BEND4: variants seen among roughly 807,000 people sequenced by gnomAD.
BEND4 encodes the protein BEN domain-containing protein 4.
Under a neutral mutation model 54.7 loss-of-function variants are expected in BEND4, and 27 were observed. The ratio of observed to expected loss-of-function variants is 0.49; its 90% confidence interval spans 0.36 to 0.68. The LOEUF is 0.68. BEND4 is among the 30% of genes least tolerant of loss of function. The pLI is 0.00. For synonymous variants in BEND4, 327 were observed against 299.5 expected, an observed-to-expected ratio of 1.09 and a Z score of -0.95; for missense variants, 702 against 697.2, an observed-to-expected ratio of 1.01 and a Z score of -0.08.
chr4:42,125,460 G>T, intron 4 of BEND4, 123 bp downstream of exon 4: 1 of 705,868 alleles, frequency 1.4e-6, no homozygotes, highest in South Asian at 1.6e-5. Flanking sequence ...ACAGGCAACA[G>T]ACCCATAAAC....
intron 3 of BEND4, among the ~76,000 whole-genome samples, chr4:42,139,102 C>T (rs566347901): frequency 9.2e-5 from 14 of 152,160 alleles, no homozygotes; most frequent in Non-Finnish European, 1.9e-4. Flanking sequence ...TATTTTCCTT[C>T]TTTTAAAAAC....
At chr4:42,120,033 C>A (rs991300808) in intron 5 of BEND4, 21 bp downstream of exon 5, 3 of 1,613,910 alleles carry the variant, frequency 1.9e-6, no homozygotes, top group Non-Finnish European at 2.5e-6. Flanking sequence ...GATGGTGACA[C>A]TGAGCGGAAG....
chr4:42,138,632 C>T (rs1425636988), intron 3 of BEND4, among the ~76,000 whole-genome samples: 1 of 152,210 alleles, frequency 6.6e-6, no homozygotes, highest in Non-Finnish European at 1.5e-5. Context: ...ATGATAGATA[C>T]AGCTTCACTA....
Position 42,114,127 on chromosome 4 carries a change from T to C in BEND4, c.*3391A>G, listed in dbSNP as rs1383962123. The C allele has an allele frequency of 6.6e-6, 1 of 152,206 alleles. No individual in the cohort carries two copies. Among genetic ancestry groups the C allele is most frequent in the Non-Finnish European group, 1.5e-5 (1 of 68,034 alleles). The allele number at this position is 152,206 out of a possible 1,614,324, so 9.4% of individuals were successfully genotyped here. The stretch of plus-strand genomic sequence containing the variant: ...GGTTAAGCCATGAGATTTTGAACAA[T>C]GCACCGTCAAGAGTCAGTGAGAAAT... On this transcript the variant is annotated 3_prime_UTR_variant, in exon 6 of 6. Coordinates refer to ENST00000502486, the MANE Select transcript of BEND4 (RefSeq NM_207406.4).
chr4:42,117,832 C>T (rs1437439772), intron 5 of BEND4, 97 bp from the exon 6 acceptor site: 4 of 774,090 alleles, frequency 5.2e-6, no homozygotes, highest in Admixed American at 5.9e-5. Flanking sequence ...TTAACAGAAG[C>T]TCTATAAGAA....
At chr4:42,146,353 C>A (rs1560584702) in intron 2 of BEND4, among the ~76,000 whole-genome samples, 1 of 152,182 alleles carries the variant, frequency 6.6e-6, no homozygotes, top group Non-Finnish European at 1.5e-5. Context: ...AACCTGGTTA[C>A]TGTGAAGGTG....
At position 42,111,189 on chromosome 4, in the gene BEND4, A is replaced by G. The variant is rs1335334277; in HGVS notation, c.*6329T>C. ...TTCTATATAAATTGTTCACAAAAAA[A>G]TCTTGCTATTCTATATTACACTATG... On this transcript the variant is annotated 3_prime_UTR_variant, in exon 6 of 6. Transcript: ENST00000502486. The G allele has an allele frequency of 6.6e-6, 1 of 152,230 alleles. No individual in the cohort carries two copies. The highest frequency in any genetic ancestry group is 1.5e-5 in the Non-Finnish European group (1 of 68,028). 9.4% of individuals were successfully genotyped at this position (152,230 alleles called of 1,614,324 possible). A position where few individuals can be genotyped will look rare whatever the true frequency, so the allele number is the denominator to read the frequency against.
intron 4 of BEND4, among the ~76,000 whole-genome samples, chr4:42,121,185 G>A (rs1354691141): frequency 2.0e-5 from 3 of 152,056 alleles, no homozygotes; most frequent in Non-Finnish European, 4.4e-5. Flanking sequence ...TTACAACTCG[G>A]CAAATTTACT....
intron 3 of BEND4, among the ~76,000 whole-genome samples, chr4:42,138,166 A>C (rs1346140462): frequency 1.3e-5 from 2 of 152,222 alleles, no homozygotes; most frequent in Admixed American, 1.3e-4. Context: ...CCCAATAGCC[A>C]AGACATGGAA....
rs1719741671 is a variant in BEND4, at chr4:42,115,006, G to C, written c.*2512C>G. Reference sequence around the variant, plus strand: ...AAGTACAATGGAATATCTCACTCAGGAGCAAAAGTCGTAGGAACATTTCAC... The same window carrying C: ...AAGTACAATGGAATATCTCACTCAGCAGCAAAAGTCGTAGGAACATTTCAC... On this transcript the variant is annotated 3_prime_UTR_variant, in exon 6 of 6. Coordinates refer to ENST00000502486, the MANE Select transcript of BEND4 (RefSeq NM_207406.4). The C allele has an allele frequency of 1.3e-5, 2 of 152,286 alleles. No individual in the cohort carries two copies. Among genetic ancestry groups the C allele is most frequent in the African/African-American group, 4.8e-5 (2 of 41,458 alleles). 9.4% of individuals were successfully genotyped at this position (152,286 alleles called of 1,614,324 possible).
intron 4 of BEND4, among the ~76,000 whole-genome samples, chr4:42,123,150 C>G (rs1361865556): frequency 1.3e-5 from 2 of 152,096 alleles, no homozygotes; most frequent in Non-Finnish European, 2.9e-5. Flanking sequence ...TCAGAATGCT[C>G]TCTGGGTTAT....
Position 42,111,348 on chromosome 4 carries a change from T to A in BEND4, c.*6170A>T, listed in dbSNP as rs1719555425. The A allele has an allele frequency of 6.6e-6, 1 of 152,216 alleles. No homozygotes were observed. The highest frequency in any genetic ancestry group is 1.5e-5 in the Non-Finnish European group (1 of 68,034). The allele number at this position is 152,216 out of a possible 1,614,324, so 9.4% of individuals were successfully genotyped here. ...GGATCAATGGATTTGTCACAGTTTC[T>A]CCACAAGTATTCATCATAGAAAATA... On this transcript the variant is annotated 3_prime_UTR_variant, in exon 6 of 6. Transcript: ENST00000502486.
chr4:42,140,299 G>A (rs773855227), intron 3 of BEND4, among the ~76,000 whole-genome samples: 16 of 152,092 alleles, frequency 1.1e-4, no homozygotes, highest in South Asian at 2.1e-4. Context: ...TCATGAACAC[G>A]TAATAAGTAA....
In BEND4 at chr4:42,117,379, C is replaced by A; in HGVS notation, c.*139G>T. 3.2e-6 allele frequency: 2 copies of A among 634,888 alleles called. No homozygotes were observed. The highest frequency in any genetic ancestry group is 5.5e-6 in the Non-Finnish European group (2 of 366,484). The allele number at this position is 634,888 out of a possible 1,614,324, so 39.3% of individuals were successfully genotyped here. ...TCCCAAACAACCCTAAAATGGATTTCTATTTGGGTACTGTGGCAGCTGAGA... is the reference window on the plus strand; with the variant it reads ...TCCCAAACAACCCTAAAATGGATTTATATTTGGGTACTGTGGCAGCTGAGA... On this transcript the variant is annotated 3_prime_UTR_variant, in exon 6 of 6. Transcript: ENST00000502486.
intron 2 of BEND4, among the ~76,000 whole-genome samples, chr4:42,145,522 T>C (rs2153147534): frequency 6.6e-6 from 1 of 151,904 alleles, no homozygotes; most frequent in African/African-American, 2.4e-5. Flanking sequence ...TGAAACCCCG[T>C]CTCTACTACA....
chr4:42,134,911 T>C (rs954957935), intron 3 of BEND4, among the ~76,000 whole-genome samples: 3 of 152,182 alleles, frequency 2.0e-5, no homozygotes, highest in Non-Finnish European at 4.4e-5. Context: ...TGGTGTCTGG[T>C]GGGCACTGAG....
At position 42,116,173 on chromosome 4, in the gene BEND4, G is replaced by C. The variant is rs1719822704; in HGVS notation, c.*1345C>G. On this transcript the variant is annotated 3_prime_UTR_variant, in exon 6 of 6. Transcript: ENST00000502486. ...TCCAACCAATTTTCAAAAACCCTTG[G>C]TCATGTCTGTAGATGACATTAGTAG... 6.6e-6 allele frequency: 1 copy of C among 152,102 alleles called. No homozygotes were observed. Among genetic ancestry groups the C allele is most frequent in the African/African-American group, 2.4e-5 (1 of 41,416 alleles). The allele number at this position is 152,102 out of a possible 1,614,324, so 9.4% of individuals were successfully genotyped here.
rs951141159 is a variant in BEND4, at chr4:42,111,059, T to A, written c.*6459A>T. ...GAACACCTGAAATAATTGGCTCTAG[T>A]AACAAATGTCTCTTATAATTAAAAA... is the stretch of plus-strand genomic sequence containing the variant. On this transcript the variant is annotated 3_prime_UTR_variant, in exon 6 of 6. Transcript: ENST00000502486. 1 of 152,228 alleles carries A rather than the reference T, an allele frequency of 6.6e-6. No homozygotes were observed. The allele number at this position is 152,228 out of a possible 1,614,324, so 9.4% of individuals were successfully genotyped here. A position where few individuals can be genotyped will look rare whatever the true frequency, so the allele number is the denominator to read the frequency against.
At position 42,147,066 on chromosome 4, in the gene BEND4, A is replaced by T. The variant is rs79424270; in HGVS notation, c.488-3072T>A. ...TAAAGTGCACTCAGAATATGAGAGAATAGTTACAATCATAAAGTAGTTCTT... is the reference window on the plus strand; with the variant it reads ...TAAAGTGCACTCAGAATATGAGAGATTAGTTACAATCATAAAGTAGTTCTT... On this transcript the variant is annotated intron_variant, in intron 2 of 5. Coordinates refer to ENST00000502486, the MANE Select transcript of BEND4 (RefSeq NM_207406.4). Among the ~76,000 whole-genome samples, 1,010 of 152,312 alleles carry T rather than the reference A, an allele frequency of 6.6e-3. 2 individuals are homozygous for T. The highest frequency in any genetic ancestry group is 0.01 in the Non-Finnish European group (706 of 68,006).
Sources: allele counts gnomAD v4.1 joint callset (sites outside exome capture counted in the v4.1 genomes callset), GRCh38; gene constraint gnomAD v4.1.1; transcripts MANE v1.5; gene names NCBI Gene and HGNC (gene_info 2026-07-23, HGNC 2026-07-21).